The following NDST4 variants were observed in gnomAD, a reference collection of about 807,000 sequenced individuals.
NDST4 encodes the protein N-deacetylase and N-sulfotransferase 4, also known as N-heparan sulfate sulfotransferase 4.
A neutral mutation model predicts 100.8 loss-of-function variants in NDST4; 63 were observed. That is an observed-to-expected ratio of 0.62 (90% confidence interval 0.51 to 0.77). The LOEUF (loss-of-function observed/expected upper bound fraction) is 0.77. Among genes scored for constraint, NDST4 ranks in the 30% least tolerant of loss-of-function variants. The pLI is 0.00. For missense variants in NDST4, 943 were observed against 1,018.4 expected (o/e 0.93, Z 1.01); for synonymous variants, 377 against 361.8 (o/e 1.04, Z -0.48).
At chr4:114,977,837 G>A (rs1471217099) in intron 2 of NDST4, among the ~76,000 whole-genome samples, 1 of 151,880 alleles carries the variant, frequency 6.6e-6, no homozygotes, top group Non-Finnish European at 1.5e-5. Context: ...AAAAAGGGAA[G>A]AACATGTAAA....
chr4:114,845,746 T>C, intron 10 of NDST4, 77 bp downstream of exon 10: 3 of 1,345,548 alleles, frequency 2.2e-6, no homozygotes, highest in East Asian at 4.7e-5. Flanking sequence ...ATGTTTAGGT[T>C]CTATTCTGGT....
At chr4:114,945,634 G>C (rs566108413) in intron 4 of NDST4, among the ~76,000 whole-genome samples, 2 of 152,214 alleles carry the variant, frequency 1.3e-5, no homozygotes, top group Admixed American at 6.5e-5. Context: ...GCATTAAGCA[G>C]TACCTTGTTG....
At chr4:114,998,121 A>T (rs1423960697) in intron 2 of NDST4, among the ~76,000 whole-genome samples, 2 of 152,074 alleles carry the variant, frequency 1.3e-5, no homozygotes, top group Admixed American at 6.6e-5. Context: ...CACTTCCACC[A>T]GTGGTTCTTA....
intron 2 of NDST4, among the ~76,000 whole-genome samples, chr4:115,031,132 C>T (rs1311003972): frequency 2.6e-5 from 4 of 152,016 alleles, no homozygotes; most frequent in Non-Finnish European, 5.9e-5. Flanking sequence ...GATTTGATCG[C>T]CTATCTGATT....
chr4:114,956,496 C>A (rs1261015678), intron 4 of NDST4, among the ~76,000 whole-genome samples: 1 of 152,096 alleles, frequency 6.6e-6, no homozygotes, highest in Non-Finnish European at 1.5e-5. Flanking sequence ...TAGAGAGAAC[C>A]AGATAAACAG....
At chr4:115,037,895 G>T (rs543372715) in intron 2 of NDST4, among the ~76,000 whole-genome samples, 2 of 152,234 alleles carry the variant, frequency 1.3e-5, no homozygotes, top group South Asian at 4.1e-4. Context: ...AGTAGCAAGA[G>T]AAAAGGAAAG....
intron 6 of NDST4, among the ~76,000 whole-genome samples, chr4:114,915,892 AAAG>A (rs1187582677): frequency 1.3e-5 from 2 of 152,110 alleles, no homozygotes; most frequent in Admixed American, 1.3e-4. Flanking sequence ...GGGTAAAAAG[AAAG>A]AAGGAAAAAA....
At chr4:115,017,380 T>C (rs959611724) in intron 2 of NDST4, among the ~76,000 whole-genome samples, 2 of 152,052 alleles carry the variant, frequency 1.3e-5, no homozygotes, top group African/African-American at 4.8e-5. Flanking sequence ...TTTTGTTTTA[T>C]CCACCAAACA....
intron 11 of NDST4, among the ~76,000 whole-genome samples, chr4:114,834,607 AAT>A (rs1578333149): frequency 6.6e-6 from 1 of 151,840 alleles, no homozygotes; most frequent in African/African-American, 2.4e-5. Flanking sequence ...TGGAAGATAG[AAT>A]ATTAAAGTTA....
chr4:114,848,325 A>T lies in NDST4; in HGVS notation c.1830T>A (p.Leu610=). ...IGPQKTGTTA[L]YLFLLMHPSI... is the part of the protein sequence containing the mutation. ...AAGGATGCATAAGAAGAAATAAATA[A>T]AGTGCAGTTGTTCCTGTTACAAAAA... The change falls in exon 9 of 14, where the codon CTT becomes CTA. Residue 610 remains leucine, a synonymous_variant. Transcript: ENST00000264363. The T allele has an allele frequency of 6.3e-7, 1 of 1,595,614 alleles. No individual in the cohort carries two copies. Among genetic ancestry groups the T allele is most frequent in the Non-Finnish European group, 8.5e-7 (1 of 1,171,242 alleles).
At chr4:114,952,327 G>T (rs975066302) in intron 4 of NDST4, among the ~76,000 whole-genome samples, 1 of 152,050 alleles carries the variant, frequency 6.6e-6, no homozygotes, top group Non-Finnish European at 1.5e-5. Context: ...AATGTGTTCA[G>T]AAACAAAACA....
intron 2 of NDST4, among the ~76,000 whole-genome samples, chr4:115,005,524 G>A (rs1294491324): frequency 1.3e-5 from 2 of 152,126 alleles, no homozygotes; most frequent in African/African-American, 2.4e-5. Context: ...ACATGGTTGG[G>A]GAGAAGAGAG....
chr4:115,044,679 G>A (rs2126275868), intron 2 of NDST4, among the ~76,000 whole-genome samples: 1 of 148,678 alleles, frequency 6.7e-6, no homozygotes. Flanking sequence ...AAGACACCAT[G>A]AGTAAAAGTC....
At chr4:114,986,023 C>T (rs189489422) in intron 2 of NDST4, among the ~76,000 whole-genome samples, 1 of 152,134 alleles carries the variant, frequency 6.6e-6, no homozygotes, top group African/African-American at 2.4e-5. Context: ...TAACTGCACA[C>T]AAAATGTATA....
intron 2 of NDST4, among the ~76,000 whole-genome samples, chr4:115,004,430 A>G (rs1727367565): frequency 6.6e-6 from 1 of 152,168 alleles, no homozygotes; most frequent in Admixed American, 6.6e-5. Flanking sequence ...GAATTTGCAG[A>G]CTGCTTTTGC....
At chr4:115,109,202 A>G (rs1729893111) in intron 1 of NDST4, among the ~76,000 whole-genome samples, 1 of 151,852 alleles carries the variant, frequency 6.6e-6, no homozygotes, top group Non-Finnish European at 1.5e-5. Flanking sequence ...ATGAAAAGAG[A>G]TTAAGGAAGC....
chr4:114,884,823 CTA>C (rs1230488206), intron 6 of NDST4, among the ~76,000 whole-genome samples: 1 of 152,082 alleles, frequency 6.6e-6, no homozygotes, highest in African/African-American at 2.4e-5. Context: ...GTGATTGACA[CTA>C]TCAAAATACG....
chr4:115,108,155 A>G (rs914555787), intron 1 of NDST4, among the ~76,000 whole-genome samples: 11 of 152,252 alleles, frequency 7.2e-5, no homozygotes, highest in Non-Finnish European at 1.0e-4. Flanking sequence ...AGAGTAATGA[A>G]TAGAATTAGG....
chr4:114,909,588 A>C lies in NDST4; in HGVS notation c.1536+25618T>G, dbSNP rs182020310. On this transcript the variant is annotated intron_variant, in intron 6 of 13. Transcript: ENST00000264363. ...GGCAGGAGAATGGCGTGAACCCGGG[A>C]AGCGGAGCTTGCAGTGAGCCGAGAT... Among the ~76,000 whole-genome samples, 1,985 of 148,322 alleles carry C rather than the reference A, an allele frequency of 0.013. 79 individuals are homozygous for C. In the South Asian group the frequency reaches 0.15, roughly 11 times the overall value.
Sources: allele counts gnomAD v4.1 joint callset (sites outside exome capture counted in the v4.1 genomes callset), GRCh38; gene constraint gnomAD v4.1.1; transcripts MANE v1.5; gene names NCBI Gene and HGNC (gene_info 2026-07-23, HGNC 2026-07-21).